Variants in DNAH5 observed in about 807,000 individuals in gnomAD.
DNAH5 encodes the protein axonemal beta dynein heavy chain 5.
DNAH5 carries 372 observed loss-of-function variants against 518.2 expected under a neutral mutation model. The ratio of observed to expected loss-of-function variants is 0.72; its 90% confidence interval spans 0.66 to 0.78. The LOEUF is 0.78. DNAH5 is among the 30% of genes least tolerant of loss of function. DNAH5 has a pLI of 0.00. For missense variants in DNAH5, 5,523 were observed against 5,687.0 expected (o/e 0.97, Z 0.93); for synonymous variants, 2,039 against 2,025.9 (o/e 1.01, Z -0.17).
rs1390010745 is a variant in DNAH5 at position 13,916,101 on chromosome 5, T to C, written c.1197+247A>G. ...AAAGAAATTCCAAGAGCAATCTTTT[T>C]TCATTTGTATTATATAAATAATAAA... is the stretch of plus-strand genomic sequence containing the variant. On this transcript the variant is annotated intron_variant, in intron 9 of 78. Coordinates refer to ENST00000265104, the MANE Select transcript of DNAH5 (RefSeq NM_001369.3). Among the ~76,000 whole-genome samples, 2 of 151,780 alleles carry C rather than the reference T, an allele frequency of 1.3e-5. 1 individual carries two copies. The highest frequency in any genetic ancestry group is 4.1e-4 in the South Asian group (2 of 4,830).
chr5:13,916,693 CA>C (rs1427540193), intron 8 of DNAH5, among the ~76,000 whole-genome samples: 8 of 151,930 alleles, frequency 5.3e-5, no homozygotes, highest in African/African-American at 1.9e-4. Context: ...TGACAAGCAA[CA>C]GCAAGTTAAC....
At chr5:13,904,945 A>G (rs898551002) in intron 12 of DNAH5, among the ~76,000 whole-genome samples, 2 of 152,146 alleles carry the variant, frequency 1.3e-5, no homozygotes, top group African/African-American at 4.8e-5. Context: ...AGAAAGAAAT[A>G]GTAGGAAGTA....
At chr5:13,828,666 T>C (rs370957620) in intron 38 of DNAH5, among the ~76,000 whole-genome samples, 1 of 152,268 alleles carries the variant, frequency 6.6e-6, no homozygotes, top group Non-Finnish European at 1.5e-5. Flanking sequence ...GAAACCCATA[T>C]AGCAAGGAAC....
In DNAH5 at chr5:13,911,375, A is replaced by T. The variant is rs753321719; in HGVS notation, c.1644+11T>A. On this transcript the variant is annotated intron_variant, in intron 12 of 78. Coordinates refer to ENST00000265104, the MANE Select transcript of DNAH5 (RefSeq NM_001369.3). ...CACGACTGTCAACAGGAATTTTATT[A>T]TACAACCTACATGAAGGTCATTAGT... The T allele has an allele frequency of 6.2e-7, 1 of 1,603,822 alleles. No individual in the cohort carries two copies. Among genetic ancestry groups the T allele is most frequent in the South Asian group, 1.1e-5 (1 of 90,896 alleles).
At chr5:13,704,317 A>G (rs1742510090) in intron 76 of DNAH5, among the ~76,000 whole-genome samples, 1 of 151,494 alleles carries the variant, frequency 6.6e-6, no homozygotes, top group South Asian at 2.1e-4. Context: ...TTCTGCTCCC[A>G]CACTCTCTTG....
In DNAH5 at chr5:13,714,509, G is replaced by T. The variant is rs757416978; in HGVS notation, c.13021C>A (p.Pro4341Thr). 4.3e-6 allele frequency: 7 copies of T among 1,613,980 alleles called. No individual in the cohort carries two copies. Among genetic ancestry groups the T allele is most frequent in the Non-Finnish European group, 5.9e-6 (7 of 1,179,994 alleles). ...DVLDTILGIQ[P>T]KDTSGGGDET... ...TCCCCTCCACCAGAGGTGTCCTTGG[G>T]TTGGATGCCTAGGATGGTGTCCAGC... The change falls in exon 75 of 79, where the codon CCC becomes ACC. Residue 4341 changes from proline to threonine, a missense_variant. Physicochemically the swap from Pro to Thr is conservative, Grantham distance 38 (BLOSUM62 -1). Coordinates refer to ENST00000265104, the MANE Select transcript of DNAH5 (RefSeq NM_001369.3).
At chr5:13,695,763 G>A (rs923212865) in intron 78 of DNAH5, among the ~76,000 whole-genome samples, 3 of 152,116 alleles carry the variant, frequency 2.0e-5, no homozygotes, top group Non-Finnish European at 4.4e-5. Context: ...TGTAGAAGGT[G>A]CCTAAGATAG....
Position 13,737,233 on chromosome 5 carries a change from CT to C in DNAH5, c.11455+18del. On this transcript the variant is annotated intron_variant, in intron 66 of 78. Transcript: ENST00000265104. ...CATTTCATTTTCCTGTGACATTTGT[CT>C]TTCATTACCAAACTCACCAGGTCTG... 1 of 1,613,864 alleles carries C rather than the reference CT, an allele frequency of 6.2e-7. No individual in the cohort carries two copies. Among genetic ancestry groups the C allele is most frequent in the South Asian group, 1.1e-5 (1 of 90,992 alleles).
In DNAH5 at chr5:13,919,323, C is replaced by T. The variant is rs1183625294; in HGVS notation, c.828G>A (p.Lys276=). The change falls in exon 7 of 79, where the codon AAG becomes AAA. Residue 276 remains lysine (K), a synonymous_variant. Coordinates refer to ENST00000265104, the MANE Select transcript of DNAH5 (RefSeq NM_001369.3). ...QVLAENNQLL[K]EADDVGPRAE... ...CTCGTGGCCCAACGTCATCCGCTTC[C>T]TTCAGCAGCTGATTGTTTTCAGCAA... is the stretch of plus-strand genomic sequence containing the variant. 1.9e-6 allele frequency: 3 copies of T among 1,614,140 alleles called. No individual in the cohort carries two copies. The South Asian group carries it at 3.3e-5, about 18-fold the overall frequency.
At chr5:13,922,359 A>G (rs1250446953) in intron 4 of DNAH5, 31 bp from the exon 5 acceptor site, 1 of 1,581,588 alleles carries the variant, frequency 6.3e-7, no homozygotes, top group Non-Finnish European at 8.6e-7. Flanking sequence ...CTTTTATTGT[A>G]AAAATCATCC....
At chr5:13,808,915 G>C (rs1307342866) in intron 46 of DNAH5, 129 bp downstream of exon 46, 1 of 1,091,944 alleles carries the variant, frequency 9.2e-7, no homozygotes, top group South Asian at 1.3e-5. Flanking sequence ...AGCCGAGATC[G>C]CGCCACTGCA....
In DNAH5 at chr5:13,829,660, C is replaced by A. The variant is rs1219044283; in HGVS notation, c.6294G>T (p.Lys2098Asn). 8.1e-6 allele frequency: 13 copies of A among 1,614,098 alleles called. No homozygotes were observed. Among genetic ancestry groups the A allele is most frequent in the Non-Finnish European group, 1.1e-5 (13 of 1,180,046 alleles). Reference sequence around the variant, plus strand: ...TCATGGCCACTGAGCGGAAATTAATCTTCAAGTTTTCAGGGAGTTCCTGCC... The same window carrying A: ...TCATGGCCACTGAGCGGAAATTAATATTCAAGTTTTCAGGGAGTTCCTGCC... ...AGRQELPENL[K>N]INFRSVAMMV... The change falls in exon 38 of 79, where the codon AAG becomes AAT. Residue 2098 changes from lysine to asparagine, a missense_variant. Coordinates refer to ENST00000265104, the MANE Select transcript of DNAH5 (RefSeq NM_001369.3).
chr5:13,743,975 C>T (rs1604476), intron 65 of DNAH5, among the ~76,000 whole-genome samples: 54,921 of 151,692 alleles, frequency 0.36, 10,281 homozygotes, highest in South Asian at 0.5. Context: ...TCAATCCCAC[C>T]ACTGGGCATT....
chr5:13,756,811 A>G (rs1168035080), intron 61 of DNAH5, among the ~76,000 whole-genome samples: 1 of 152,088 alleles, frequency 6.6e-6, no homozygotes, highest in Non-Finnish European at 1.5e-5. Context: ...CCAGGTATTA[A>G]GCCTAGTACT....
chr5:13,850,929 A>G, intron 30 of DNAH5, 114 bp from the exon 31 acceptor site: 1 of 1,004,070 alleles, frequency 1.0e-6, no homozygotes, highest in Non-Finnish European at 1.6e-6. Flanking sequence ...CAGATATCCA[A>G]GCAATATATG....
intron 16 of DNAH5, among the ~76,000 whole-genome samples, chr5:13,891,434 A>T (rs551722985): frequency 6.6e-6 from 1 of 152,182 alleles, no homozygotes; most frequent in East Asian, 1.9e-4. Context: ...CTTTTAGCCA[A>T]TTTCCTTTTG....
At position 13,944,400 on chromosome 5, in the gene DNAH5, G is replaced by T; in HGVS notation, c.39C>A (p.Ser13Arg). 10 of 1,613,754 alleles carry T rather than the reference G, an allele frequency of 6.2e-6. No homozygotes were observed. Among genetic ancestry groups the T allele is most frequent in the Non-Finnish European group, 7.6e-6 (9 of 1,179,894 alleles). The change falls in exon 1 of 79, where the codon AGC becomes AGA. Residue 13 changes from serine to arginine, a missense_variant. Around this residue, in one of 3 missense-constraint regions of DNAH5, gnomAD observed 5,121 missense variants for 5,223.3 expected, o/e 0.98. Coordinates refer to ENST00000265104, the MANE Select transcript of DNAH5 (RefSeq NM_001369.3). ...RIGRRQLWKH[S>R]VTRVLTQRLK... Reference sequence around the variant, plus strand: ...ACCTTACCGTTAAAACTCGAGTGACGCTATGCTTCCAGAGCTGTCTCCTCC... The same window carrying T: ...ACCTTACCGTTAAAACTCGAGTGACTCTATGCTTCCAGAGCTGTCTCCTCC...
chr5:13,789,921 T>C (rs1293595880), intron 50 of DNAH5, among the ~76,000 whole-genome samples: 1 of 152,180 alleles, frequency 6.6e-6, no homozygotes, highest in Non-Finnish European at 1.5e-5. Context: ...AAAGAAGACA[T>C]ACATGTGGCC....
At chr5:13,741,919 G>A (rs1001576224) in intron 65 of DNAH5, among the ~76,000 whole-genome samples, 2 of 152,106 alleles carry the variant, frequency 1.3e-5, no homozygotes, top group African/African-American at 4.8e-5. Context: ...CTGCTCATAG[G>A]ATTATGGTGA....
Sources: gnomAD v4.1 joint callset for allele counts (sites outside exome capture counted in the v4.1 genomes callset) on GRCh38, gnomAD v4.1.1 for gene constraint, gnomAD v4.1.1 regional missense constraint, MANE v1.5 for transcripts, NCBI Gene and HGNC (gene_info 2026-07-23, HGNC 2026-07-21) for gene names.